SMUG1: variants seen among roughly 807,000 people sequenced by gnomAD.
SMUG1 encodes the protein single-strand-selective monofunctional uracil-DNA glycosylase 1.
A neutral mutation model predicts 23.9 loss-of-function variants in SMUG1; 13 were observed. The observed-to-expected ratio is 0.54, with a 90% CI of 0.35 to 0.86. The LOEUF (loss-of-function observed/expected upper bound fraction) is 0.86. SMUG1 is among the 40% of genes least tolerant of loss of function. The pLI is 0.01. For synonymous variants in SMUG1, 133 were observed against 139.8 expected (o/e 0.95, Z 0.34); for missense variants, 313 against 339.5 (o/e 0.92, Z 0.61).
Position 54,182,498 on chromosome 12 carries a change from A to G in SMUG1, c.411T>C (p.Ser137=). 1.2e-6 allele frequency: 2 copies of G among 1,613,980 alleles called. No homozygotes were observed. The highest frequency in any genetic ancestry group is 8.5e-7 in the Non-Finnish European group (1 of 1,179,998). Residue 137 remains serine (S), a synonymous_variant, in exon 4 of 4, where the codon AGT becomes AGC. Coordinates refer to ENST00000682136, the MANE Select transcript of SMUG1 (RefSeq NM_001243787.2). ...LGLECPQSEV[S]GARFWGFFRN... is the part of the protein sequence containing the mutation. The stretch of plus-strand genomic sequence containing the variant: ...GGAAAAAGCCCCAGAATCGGGCACC[A>G]CTCACTTCTGACTGTGGGCACTCCA...
chr12:54,180,377 G>A lies in SMUG1; in HGVS notation c.*1719C>T, dbSNP rs1375616533. On this transcript the variant is annotated 3_prime_UTR_variant, in exon 4 of 4. Coordinates refer to ENST00000682136, the MANE Select transcript of SMUG1 (RefSeq NM_001243787.2). ...TCCTTCTCAGGAACTGAAGACAAAG[G>A]CCAAATTCTTTATTATACAATGAAG... 6.6e-6 allele frequency: 1 copy of A among 152,142 alleles called. No individual in the cohort carries two copies. Among genetic ancestry groups the A allele is most frequent in the Non-Finnish European group, 1.5e-5 (1 of 68,022 alleles). The allele number at this position is 152,142 out of a possible 1,614,324, so 9.4% of individuals were successfully genotyped here.
intron 2 of SMUG1, among the ~76,000 whole-genome samples, chr12:54,174,175 G>A (rs185505455): frequency 6.6e-6 from 1 of 152,304 alleles, no homozygotes; most frequent in African/African-American, 2.4e-5. Context: ...AGCCAGGTAA[G>A]GAGCAAAACA....
chr12:54,179,379 G>T (rs1011308972), downstream of SMUG1, among the ~76,000 whole-genome samples: 2 of 152,110 alleles, frequency 1.3e-5, no homozygotes, highest in East Asian at 1.9e-4. Context: ...CAGTCTTAAG[G>T]CCACCTGAAA....
intron 1 of SMUG1, 47 bp from the exon 2 acceptor site, chr12:54,187,949 G>A (rs976236341): frequency 6.6e-6 from 1 of 152,120 alleles, no homozygotes; most frequent in Non-Finnish European, 1.5e-5. Flanking sequence ...AGTGTGATGT[G>A]AGCTTTAATA....
chr12:54,182,722 C>A, intron 3 of SMUG1, 99 bp from the exon 4 acceptor site: 6 of 1,506,318 alleles, frequency 4.0e-6, no homozygotes, highest in Non-Finnish European at 5.3e-6. Flanking sequence ...GAGGATCCAG[C>A]CTGCACCCCC....
At chr12:54,174,005 T>C (rs1265112350) in intron 2 of SMUG1, among the ~76,000 whole-genome samples, 1 of 152,030 alleles carries the variant, frequency 6.6e-6, no homozygotes, top group African/African-American at 2.4e-5. Flanking sequence ...GATCCCATGA[T>C]CACAGGAGGA....
chr12:54,182,787 A>C (rs1212392641), intron 3 of SMUG1, 164 bp from the exon 4 acceptor site: 4 of 1,355,618 alleles, frequency 3.0e-6, no homozygotes, highest in Non-Finnish European at 3.9e-6. Context: ...CTATGGTTTG[A>C]GCCTGTCTGT....
In SMUG1 at chr12:54,181,319, T is replaced by A; in HGVS notation, c.*777A>T. 1 of 556,984 alleles carries A rather than the reference T, an allele frequency of 1.8e-6. No individual in the cohort carries two copies. Among genetic ancestry groups the A allele is most frequent in the Non-Finnish European group, 3.2e-6 (1 of 311,482 alleles). The allele number at this position is 556,984 out of a possible 1,614,324, so 34.5% of individuals were successfully genotyped here. ...AGGGGCTACCCTTGTAGTGCAGTGC[T>A]GTGAATCCTCAACCCAGAGGCAAGA... is the stretch of plus-strand genomic sequence containing the variant. On this transcript the variant is annotated 3_prime_UTR_variant, in exon 4 of 4. Coordinates refer to ENST00000682136, the MANE Select transcript of SMUG1 (RefSeq NM_001243787.2).
chr12:54,164,755 T>C (rs190727186), exon 5 of SMUG1: 3 of 152,270 alleles, frequency 2.0e-5, no homozygotes, highest in African/African-American at 7.2e-5. Context: ...TCCCCCTTCA[T>C]CCGCATGAAG....
intron 3 of SMUG1, among the ~76,000 whole-genome samples, chr12:54,169,876 G>A (rs1940570346): frequency 6.6e-6 from 1 of 152,176 alleles, no homozygotes; most frequent in South Asian, 2.1e-4. Context: ...TAGGGCCCTG[G>A]CCACCTAATG....
At chr12:54,171,896 C>T in intron 3 of SMUG1, 1 of 317,602 alleles carries the variant, frequency 3.1e-6, no homozygotes, top group South Asian at 2.5e-5. Flanking sequence ...TGGTCTTATC[C>T]TCTACTCCTC....
chr12:54,176,862 T>C (rs1255614451), downstream of SMUG1, among the ~76,000 whole-genome samples: 1 of 150,388 alleles, frequency 6.6e-6, no homozygotes, highest in Non-Finnish European at 1.5e-5. Flanking sequence ...ATTCTCTTTC[T>C]TCACCAACAC....
chr12:54,163,863 A>G (rs976028464), downstream of SMUG1, among the ~76,000 whole-genome samples: 15 of 152,250 alleles, frequency 9.9e-5, no homozygotes, highest in Non-Finnish European at 2.9e-5. Flanking sequence ...GCGTTTAGTA[A>G]GTGTTCATTA....
chr12:54,177,609 C>A (rs1171392744), downstream of SMUG1, among the ~76,000 whole-genome samples: 1 of 151,786 alleles, frequency 6.6e-6, no homozygotes, highest in Non-Finnish European at 1.5e-5. Flanking sequence ...ATAATTCTCA[C>A]AATGCTGTTT....
At chr12:54,163,247 C>T (rs1464519494), downstream of SMUG1, 3 of 152,238 alleles carry the variant, frequency 2.0e-5, no homozygotes, top group African/African-American at 7.2e-5. Flanking sequence ...AACTGTGAAG[C>T]AGTGTGGCTG....
chr12:54,188,304 T>TAATAATA (rs1565845125), intron 1 of SMUG1, among the ~76,000 whole-genome samples: 9 of 122,228 alleles, frequency 7.4e-5, no homozygotes, highest in African/African-American at 2.7e-4. Context: ...TAAATAATAA[T>TAATAATA]AATAATAATA....
chr12:54,175,616 T>C (rs1202044269), downstream of SMUG1, among the ~76,000 whole-genome samples: 1 of 152,232 alleles, frequency 6.6e-6, no homozygotes, highest in Non-Finnish European at 1.5e-5. Flanking sequence ...CTCTGAGGGC[T>C]AATCACTTCC....
chr12:54,179,773 G>C (rs1277684650), downstream of SMUG1, among the ~76,000 whole-genome samples: 1 of 152,116 alleles, frequency 6.6e-6, no homozygotes, highest in Non-Finnish European at 1.5e-5. Context: ...CCCTGAGGTT[G>C]GAGAATTTCC....
Position 54,185,554 on chromosome 12 carries a change from T to C in SMUG1, c.-19-1595A>G, listed in dbSNP as rs185498695. Among the ~76,000 whole-genome samples the C allele has an allele frequency of 2.8e-3, 429 of 151,300 alleles. 3 individuals are homozygous for C. Among genetic ancestry groups the C allele is most frequent in the African/African-American group, 9.8e-3 (404 of 41,242 alleles). The stretch of plus-strand genomic sequence containing the variant: ...TTTGCCGGGCGCAACAGCTCATGCC[T>C]GTAATCCCAGTACTTTGGGAGGCTG... On this transcript the variant is annotated intron_variant, in intron 2 of 3. Transcript: ENST00000682136.
Sources: gnomAD v4.1 joint callset for allele counts (sites outside exome capture counted in the v4.1 genomes callset) on GRCh38, gnomAD v4.1.1 for gene constraint, MANE v1.5 for transcripts, NCBI Gene and HGNC (gene_info 2026-07-23, HGNC 2026-07-21) for gene names.